ROCK2: variants seen among roughly 807,000 people sequenced by gnomAD.
The protein encoded by ROCK2 is rho-associated protein kinase 2.
Under a neutral mutation model 195.1 loss-of-function variants are expected in ROCK2, and 61 were observed. The observed-to-expected ratio is 0.31, with a 90% confidence interval of 0.25 to 0.39. ROCK2 has a LOEUF of 0.39. ROCK2 is among the 10% of genes least tolerant of loss of function. ROCK2 has a pLI of 1.00. For missense variants in ROCK2, 1,109 were observed against 1,637.4 expected, an observed-to-expected ratio of 0.68 and a Z score of 5.57; for synonymous variants, 504 against 545.5, an observed-to-expected ratio of 0.92 and a Z score of 1.06.
Position 11,192,088 on chromosome 2 carries a change from T to G in ROCK2, c.4163+60A>C, listed in dbSNP as rs1053880825. 2 of 1,274,828 alleles carry G rather than the reference T, an allele frequency of 1.6e-6. No homozygotes were observed. Among genetic ancestry groups the G allele is most frequent in the Non-Finnish European group, 2.2e-6 (2 of 912,214 alleles). 79.0% of individuals were successfully genotyped at this position (1,274,828 alleles called of 1,614,324 possible). A position where few individuals can be genotyped will look rare whatever the true frequency, so the allele number is the denominator to read the frequency against. ...ATTAGGAAAATTTGTAGTTTGAACA[T>G]AAATAGCAAAATATTTTAATAGACT... On this transcript the variant is annotated intron_variant, in intron 32 of 32. Transcript: ENST00000315872. This position sits in a 1 kb window ranked among gnomAD's most constrained non-coding sequence, Gnocchi z 5.0.
At chr2:11,305,468 CACACACACACTT>C (rs1667831077) in intron 1 of ROCK2, among the ~76,000 whole-genome samples, 1 of 150,446 alleles carries the variant, frequency 6.6e-6, no homozygotes, top group Non-Finnish European at 1.5e-5. Flanking sequence ...CACACACACA[CACACACACACTT>C]ACGTGCATGC....
intron 3 of ROCK2, among the ~76,000 whole-genome samples, chr2:11,261,313 A>G (rs1666218303): frequency 6.6e-6 from 1 of 152,260 alleles, no homozygotes; most frequent in South Asian, 2.1e-4. Context: ...AAGTACCACA[A>G]TAAAGTGCTA....
intron 18 of ROCK2, 119 bp downstream of exon 18, chr2:11,211,562 C>T (rs1664247533): frequency 1.4e-5 from 13 of 957,520 alleles, no homozygotes; most frequent in Non-Finnish European, 1.8e-5. Context: ...GTTTTTTTCC[C>T]TCCAATTCCC....
chr2:11,314,856 A>C (rs1178199082), intron 1 of ROCK2, among the ~76,000 whole-genome samples: 3 of 152,038 alleles, frequency 2.0e-5, no homozygotes, highest in Admixed American at 6.6e-5. Flanking sequence ...AAAAGGAAAA[A>C]TGTATATTAC....
intron 1 of ROCK2, among the ~76,000 whole-genome samples, chr2:11,318,576 C>G (rs938004653): frequency 6.6e-6 from 1 of 152,092 alleles, no homozygotes; most frequent in Non-Finnish European, 1.5e-5. Context: ...ATGGTAGTTT[C>G]TTTTGCTGTG....
intron 3 of ROCK2, among the ~76,000 whole-genome samples, chr2:11,250,033 CTCATT>C (rs985634325): frequency 1.3e-5 from 2 of 152,126 alleles, no homozygotes; most frequent in Non-Finnish European, 2.9e-5. Context: ...ATACAACTCT[CTCATT>C]TCAACTAAAT....
chr2:11,184,803 C>T (rs893727227), intron 32 of ROCK2: 1 of 964,566 alleles, frequency 1.0e-6, no homozygotes, highest in African/African-American at 1.8e-5. Context: ...TATACTCTAA[C>T]ACTCTTTAGA....
rs532730175 is a variant in ROCK2 at position 11,215,179 on chromosome 2, A to C, written c.1690-93T>G. ...GTATTCCCCCATTAGAAACTATTTA[A>C]AATAAACAAAAACCTAAAAATATTT... On this transcript the variant is annotated intron_variant, in intron 15 of 32. Transcript: ENST00000315872. 6 of 1,512,504 alleles carry C rather than the reference A, an allele frequency of 4.0e-6. No homozygotes were observed. In the African/African-American group the frequency reaches 8.4e-5, roughly 21 times the overall value. 93.7% of individuals were successfully genotyped at this position (1,512,504 alleles called of 1,614,324 possible).
At chr2:11,226,675 G>A (rs1264228151) in intron 6 of ROCK2, among the ~76,000 whole-genome samples, 1 of 152,022 alleles carries the variant, frequency 6.6e-6, no homozygotes, top group African/African-American at 2.4e-5. Context: ...ACTTTGGGAG[G>A]CTGAGGTGGG....
intron 1 of ROCK2, among the ~76,000 whole-genome samples, chr2:11,317,575 T>TA (rs1250238652): frequency 1.9e-4 from 10 of 52,286 alleles, no homozygotes; most frequent in Admixed American, 2.5e-4. Flanking sequence ...GATCTACACA[T>TA]TTATATATAT....
rs527365923 is a variant in ROCK2 at position 11,196,100 on chromosome 2, A to G, written c.3449-1075T>C. Among the ~76,000 whole-genome samples, 6 of 152,316 alleles carry G rather than the reference A, an allele frequency of 3.9e-5. No individual in the cohort carries two copies. The South Asian group carries it at 1.2e-3, about 32-fold the overall frequency. On this transcript the variant is annotated intron_variant, in intron 27 of 32. Transcript: ENST00000315872. ...TTACACAAATTCTCTTTAATCCTAA[A>G]AAAACCGCACAGAACAGGAATTATT...
chr2:11,297,783 A>G (rs142079839), intron 1 of ROCK2, among the ~76,000 whole-genome samples: 81 of 152,320 alleles, frequency 5.3e-4, no homozygotes, highest in African/African-American at 1.8e-3. Flanking sequence ...TGTGGAGGAC[A>G]CAGAGCTCTC....
chr2:11,211,724 CTTATTT>C lies in ROCK2; in HGVS notation c.2154_2159del (p.Asn719_Lys720del). 1 of 1,613,202 alleles carries C rather than the reference CTTATTT, an allele frequency of 6.2e-7. No individual in the cohort carries two copies. The highest frequency in any genetic ancestry group is 8.5e-7 in the Non-Finnish European group (1 of 1,179,604). On this transcript the variant is annotated inframe_deletion, in exon 18 of 33. Coordinates refer to ENST00000315872, the MANE Select transcript of ROCK2 (RefSeq NM_004850.5). Reference sequence around the variant, plus strand: ...TGGCTTCTTCGATGGACTCATAGATCTTATTTTTATCTGCTAGTCGTGCCTTTGTGG... The same window carrying C: ...TGGCTTCTTCGATGGACTCATAGATCTTATCTGCTAGTCGTGCCTTTGTGG...
At chr2:11,327,598 T>C (rs1381101679) in intron 1 of ROCK2, among the ~76,000 whole-genome samples, 1 of 152,226 alleles carries the variant, frequency 6.6e-6, no homozygotes, top group Non-Finnish European at 1.5e-5. Flanking sequence ...AGTCTCATTC[T>C]GTCACCCAGG....
chr2:11,289,127 C>A (rs1398303966), intron 1 of ROCK2, among the ~76,000 whole-genome samples: 1 of 152,074 alleles, frequency 6.6e-6, no homozygotes, highest in Non-Finnish European at 1.5e-5. Flanking sequence ...CCACTGATAT[C>A]TAATACAGAT....
At position 11,197,125 on chromosome 2, in the gene ROCK2, A is replaced by G. The variant is rs1288717162; in HGVS notation, c.3448+55T>C. 17 of 1,311,234 alleles carry G rather than the reference A, an allele frequency of 1.3e-5. No homozygotes were observed. The highest frequency in any genetic ancestry group is 1.8e-5 in the Non-Finnish European group (17 of 970,940). The allele number at this position is 1,311,234 out of a possible 1,614,324, so 81.2% of individuals were successfully genotyped here. On this transcript the variant is annotated intron_variant, in intron 27 of 32. Transcript: ENST00000315872. The surrounding 1 kb of genome is among the most constrained non-coding windows in gnomAD (Gnocchi z 4.9). ...AGAGCAGTCAGTCGCAAGACTTAAA[A>G]CAATCAACTGATTTATATTTAAGAT...
Position 11,211,499 on chromosome 2 carries a change from T to G in ROCK2, c.2203+182A>C, listed in dbSNP as rs371123007. ...GTCTTACTATCTTAGAAATGATTAC[T>G]GTAATGATACAAAGGAAAAATAATA... On this transcript the variant is annotated intron_variant, in intron 18 of 32. Transcript: ENST00000315872. Among the ~76,000 whole-genome samples, 24 of 152,312 alleles carry G rather than the reference T, an allele frequency of 1.6e-4. 1 individual carries two copies. In the South Asian group the frequency reaches 5.0e-3, roughly 32 times the overall value.
At chr2:11,207,659 G>A in intron 20 of ROCK2, 67 bp downstream of exon 20, 1 of 1,258,220 alleles carries the variant, frequency 7.9e-7, no homozygotes, top group Non-Finnish European at 1.1e-6. Flanking sequence ...AAAATCCACA[G>A]ATACACCAAA....
At chr2:11,245,224 A>G (rs1439124460) in intron 4 of ROCK2, among the ~76,000 whole-genome samples, 1 of 149,584 alleles carries the variant, frequency 6.7e-6, no homozygotes, top group African/African-American at 2.4e-5. Flanking sequence ...TATAAATTAT[A>G]TTATAAATCA....
Sources: gnomAD v4.1 joint callset for allele counts (sites outside exome capture counted in the v4.1 genomes callset) on GRCh38, gnomAD v4.1.1 for gene constraint, Gnocchi (gnomAD v3.1) non-coding constraint, MANE v1.5 for transcripts, NCBI Gene and HGNC (gene_info 2026-07-23, HGNC 2026-07-21) for gene names.